EYS: variants seen among roughly 807,000 people sequenced by gnomAD.
The protein encoded by EYS is EGF-like photoreceptor maintenance factor.
A neutral mutation model predicts 282.1 loss-of-function variants in EYS; 250 were observed. That is an observed-to-expected ratio of 0.89 (90% CI 0.80 to 0.98). The LOEUF (loss-of-function observed/expected upper bound fraction) is 0.98, where lower values mean the gene tolerates loss of function less well. EYS is among the 50% of genes least tolerant of loss of function. The pLI is 0.00. For synonymous variants in EYS, 1,355 were observed against 1,282.9 expected, an observed-to-expected ratio of 1.06 and a Z score of -1.20; for missense variants, 4,016 against 3,709.0, an observed-to-expected ratio of 1.08 and a Z score of -2.15.
At chr6:63,902,272 A>G (rs1280779239) in intron 35 of EYS, among the ~76,000 whole-genome samples, 1 of 152,130 alleles carries the variant, frequency 6.6e-6, no homozygotes, top group African/African-American at 2.4e-5. Flanking sequence ...TCTGATTGTC[A>G]ATCAGAATTT....
At chr6:64,911,347 TTACTGA>T (rs1248755204) in intron 16 of EYS, among the ~76,000 whole-genome samples, 1 of 152,150 alleles carries the variant, frequency 6.6e-6, no homozygotes, top group Admixed American at 6.5e-5. Flanking sequence ...GCAAAATCAA[TTACTGA>T]TGGCTTTCTA....
At chr6:64,089,419 T>C (rs1373366614) in intron 31 of EYS, among the ~76,000 whole-genome samples, 3 of 149,602 alleles carry the variant, frequency 2.0e-5, no homozygotes, top group African/African-American at 7.3e-5. Context: ...CAATTTATAA[T>C]TTTCAGTGAT....
chr6:64,111,302 G>C (rs969142832), intron 31 of EYS, among the ~76,000 whole-genome samples: 3 of 152,010 alleles, frequency 2.0e-5, no homozygotes, highest in African/African-American at 7.2e-5. Context: ...CTCATAGCAA[G>C]ATATTTTCTA....
At chr6:63,938,505 C>T (rs567429653) in intron 35 of EYS, among the ~76,000 whole-genome samples, 1 of 152,166 alleles carries the variant, frequency 6.6e-6, no homozygotes, top group African/African-American at 2.4e-5. Flanking sequence ...CATGGGAAGA[C>T]CAGAAGCTAT....
At chr6:65,264,634 A>G (rs563283286) in intron 12 of EYS, among the ~76,000 whole-genome samples, 1 of 152,196 alleles carries the variant, frequency 6.6e-6, no homozygotes, top group South Asian at 2.1e-4. Flanking sequence ...GTGATTTAAT[A>G]AAAAGGTATG....
intron 13 of EYS, among the ~76,000 whole-genome samples, chr6:65,036,714 T>G (rs1330573548): frequency 6.6e-6 from 1 of 151,286 alleles, no homozygotes; most frequent in Admixed American, 6.6e-5. Context: ...TAAAAAAAAG[T>G]TCATCACTAT....
Position 65,481,590 on chromosome 6 carries a change from C to T in EYS, c.862+9004G>A, listed in dbSNP as rs187414143. 3.8e-3 allele frequency among the ~76,000 whole-genome samples: 581 copies of T among 152,196 alleles called. 4 individuals are homozygous for T. Among genetic ancestry groups the T allele is most frequent in the African/African-American group, 0.013 (560 of 41,530 alleles). On this transcript the variant is annotated intron_variant, in intron 5 of 42. Transcript: ENST00000503581. The stretch of plus-strand genomic sequence containing the variant: ...TTGAGACGGAGTCTCGCTCTGTTGC[C>T]CAGGCTGAAGTGCAGTGGCGCGATC...
At chr6:65,315,256 G>C (rs998973200) in intron 11 of EYS, among the ~76,000 whole-genome samples, 1 of 152,092 alleles carries the variant, frequency 6.6e-6, no homozygotes. Context: ...CAAATACCAT[G>C]ATAGGGTGAA....
At chr6:65,114,854 C>T (rs773965831) in intron 12 of EYS, among the ~76,000 whole-genome samples, 1 of 151,888 alleles carries the variant, frequency 6.6e-6, no homozygotes, top group Non-Finnish European at 1.5e-5. Context: ...CAATTATACG[C>T]CCTCTATTTC....
chr6:63,744,996 A>G (rs1482691941), intron 41 of EYS: 3 of 431,486 alleles, frequency 7.0e-6, no homozygotes, highest in Non-Finnish European at 1.4e-5. Flanking sequence ...TTATTTGAAA[A>G]CATCTTTTCC....
intron 11 of EYS, among the ~76,000 whole-genome samples, chr6:65,318,917 C>T (rs910799381): frequency 6.6e-6 from 1 of 151,048 alleles, no homozygotes; most frequent in Non-Finnish European, 1.5e-5. Flanking sequence ...GCTGGGATTA[C>T]CGTCGTGAGC....
intron 12 of EYS, among the ~76,000 whole-genome samples, chr6:65,071,795 A>G (rs190844807): frequency 3.2e-4 from 48 of 151,940 alleles, no homozygotes; most frequent in African/African-American, 1.2e-3. Context: ...TCCAAAATTC[A>G]TGTATTGTAA....
chr6:64,085,959 T>C (rs1772144424), intron 31 of EYS, among the ~76,000 whole-genome samples: 1 of 152,236 alleles, frequency 6.6e-6, no homozygotes, highest in Admixed American at 6.5e-5. Context: ...TACTAAGCCG[T>C]CATTTTTATT....
chr6:64,545,614 A>G (rs542760849), intron 26 of EYS, among the ~76,000 whole-genome samples: 1 of 152,328 alleles, frequency 6.6e-6, no homozygotes, highest in Admixed American at 6.5e-5. Context: ...CTGTATATCT[A>G]GAAAACCCCA....
intron 21 of EYS, among the ~76,000 whole-genome samples, chr6:64,819,307 A>G (rs1764831642): frequency 6.6e-6 from 1 of 152,178 alleles, no homozygotes; most frequent in South Asian, 2.1e-4. Flanking sequence ...GAATGAGCAA[A>G]ATTACATATA....
chr6:63,857,657 A>G (rs1176142535), intron 36 of EYS: 5 of 449,330 alleles, frequency 1.1e-5, no homozygotes, highest in Non-Finnish European at 1.8e-5. Flanking sequence ...CTTGAACTGG[A>G]TGCTACTCAA....
At chr6:64,678,257 T>A (rs1431900445) in intron 22 of EYS, among the ~76,000 whole-genome samples, 2 of 152,090 alleles carry the variant, frequency 1.3e-5, no homozygotes, top group African/African-American at 2.4e-5. Context: ...CTAGTAGAGA[T>A]GTGACAAAAG....
At chr6:64,219,370 A>T (rs1165663237) in intron 31 of EYS, among the ~76,000 whole-genome samples, 1 of 152,238 alleles carries the variant, frequency 6.6e-6, no homozygotes, top group South Asian at 2.1e-4. Flanking sequence ...AATCTGATAG[A>T]ACATTTCAAT....
intron 37 of EYS, among the ~76,000 whole-genome samples, chr6:63,794,499 CA>C (rs1265778139): frequency 6.6e-6 from 1 of 152,170 alleles, no homozygotes; most frequent in Non-Finnish European, 1.5e-5. Flanking sequence ...TTGAAGGCAT[CA>C]TTTTTAAACA....
Sources: gnomAD v4.1 joint callset for allele counts (sites outside exome capture counted in the v4.1 genomes callset) on GRCh38, gnomAD v4.1.1 for gene constraint, MANE v1.5 for transcripts, NCBI Gene and HGNC (gene_info 2026-07-23, HGNC 2026-07-21) for gene names.